FAAH2: variants seen among roughly 807,000 people sequenced by gnomAD.
The protein encoded by FAAH2 is fatty acid amide hydrolase 2.
In FAAH2, 60 loss-of-function variants were observed where a neutral mutation model predicts 36.9. The observed-to-expected ratio is 1.63, with a 90% CI of 1.32 to 2.02. The LOEUF (loss-of-function observed/expected upper bound fraction) is 2.02. Ranked by LOEUF, FAAH2 falls within the 30% of genes most tolerant of loss-of-function variation. The pLI is 0.00. For missense variants in FAAH2, 689 were observed against 397.5 expected (o/e 1.73, Z -6.23); for synonymous variants, 214 against 143.8 (o/e 1.49, Z -3.49).
chrX:57,238,040 CTGTT>C, the FAAH2 span, among the ~76,000 whole-genome samples: 5 of 111,831 alleles, frequency 4.5e-5, no homozygotes, highest in African/African-American at 1.6e-4. Context: ...CACTTATACA[CTGTT>C]TGTGGGTGTG....
chrX:57,163,906 C>T, the FAAH2 span, among the ~76,000 whole-genome samples: 40 of 111,967 alleles, frequency 3.6e-4, no homozygotes, highest in Admixed American at 2.1e-3. Context: ...ATTTCTTAAC[C>T]GATGTATGGT....
intron 10 of FAAH2, among the ~76,000 whole-genome samples, chrX:57,477,392 GA>G (rs961853271): frequency 2.7e-5 from 3 of 110,652 alleles, no homozygotes; most frequent in African/African-American, 9.8e-5. Flanking sequence ...TTACTTAGTA[GA>G]AAAAAATCTG....
chrX:57,236,671 C>G, the FAAH2 span, among the ~76,000 whole-genome samples: 1 of 110,924 alleles, frequency 9.0e-6, no homozygotes, highest in Non-Finnish European at 1.9e-5. Flanking sequence ...CTTTTCAGAC[C>G]TTTTGTCCAT....
chrX:57,161,837 A>C, the FAAH2 span, among the ~76,000 whole-genome samples: 1 of 111,697 alleles, frequency 9.0e-6, no homozygotes, highest in African/African-American at 3.3e-5. Context: ...GTGTCTTTTA[A>C]ATGGAGCATT....
chrX:57,267,647 G>A, the FAAH2 span, among the ~76,000 whole-genome samples: 1 of 111,850 alleles, frequency 8.9e-6, no homozygotes, highest in African/African-American at 3.3e-5. Context: ...TTCCCCCAGT[G>A]CAGTAGACTC....
intron 7 of FAAH2, among the ~76,000 whole-genome samples, chrX:57,382,724 C>T (rs1190196235): frequency 9.0e-6 from 1 of 111,438 alleles, no homozygotes; most frequent in Non-Finnish European, 1.9e-5. Context: ...CAGACAGATT[C>T]ACAGCCAAAT....
intron 3 of FAAH2, among the ~76,000 whole-genome samples, chrX:57,330,327 C>T (rs1159920734): frequency 1.8e-5 from 2 of 111,229 alleles, no homozygotes; most frequent in Non-Finnish European, 3.8e-5. Flanking sequence ...GTGGTTGAAA[C>T]TTTAGGGATG....
the FAAH2 span, among the ~76,000 whole-genome samples, chrX:57,264,023 A>G: frequency 1.8e-5 from 2 of 112,152 alleles, no homozygotes; most frequent in Non-Finnish European, 3.8e-5. Context: ...AATACTAAAC[A>G]TACTTAAACA....
At chrX:57,188,374 G>A in the FAAH2 span, among the ~76,000 whole-genome samples, 1 of 111,013 alleles carries the variant, frequency 9.0e-6, no homozygotes, top group Non-Finnish European at 1.9e-5. Flanking sequence ...TTCTCTGATG[G>A]TAGTTTGTAT....
At chrX:57,172,818 A>T in the FAAH2 span, among the ~76,000 whole-genome samples, 1 of 111,425 alleles carries the variant, frequency 9.0e-6, no homozygotes, top group Non-Finnish European at 1.9e-5. Flanking sequence ...ACACTGCTGC[A>T]TTCCTCTCGA....
At chrX:57,301,950 A>G (rs2052384795) in intron 2 of FAAH2, among the ~76,000 whole-genome samples, 1 of 112,189 alleles carries the variant, frequency 8.9e-6, no homozygotes, top group Non-Finnish European at 1.9e-5. Flanking sequence ...ATGCTCTGCA[A>G]TCTGTTGGCT....
intron 10 of FAAH2, among the ~76,000 whole-genome samples, chrX:57,463,557 G>A (rs1209978059): frequency 9.0e-6 from 1 of 110,949 alleles, no homozygotes; most frequent in Non-Finnish European, 1.9e-5. Flanking sequence ...AAGCAATGAG[G>A]AAATAATTAC....
At chrX:57,433,301 G>C (rs770155012) in intron 8 of FAAH2, among the ~76,000 whole-genome samples, 1 of 110,166 alleles carries the variant, frequency 9.1e-6, no homozygotes, top group Non-Finnish European at 1.9e-5. Context: ...ACTTTTTTAT[G>C]ATACCAGATT....
At chrX:57,440,513 G>A (rs892578706) in intron 8 of FAAH2, among the ~76,000 whole-genome samples, 4 of 111,524 alleles carry the variant, frequency 3.6e-5, no homozygotes, top group Non-Finnish European at 7.5e-5. Flanking sequence ...TGATAGGATG[G>A]AGTTTTCTAT....
chrX:57,216,517 T>C, the FAAH2 span, among the ~76,000 whole-genome samples: 25 of 79,750 alleles, frequency 3.1e-4, no homozygotes, highest in Non-Finnish European at 4.9e-4. Context: ...TATATATATA[T>C]ACGTATATGT....
At chrX:57,135,623 C>G in the FAAH2 span, 2 of 950,750 alleles carry the variant, frequency 2.1e-6, no homozygotes, top group Non-Finnish European at 2.8e-6. Flanking sequence ...AACTTTTCAA[C>G]AAGACAAAGG....
At chrX:57,339,333 C>T (rs754567164) in intron 4 of FAAH2, among the ~76,000 whole-genome samples, 2 of 111,988 alleles carry the variant, frequency 1.8e-5, no homozygotes, top group South Asian at 7.4e-4. Flanking sequence ...CTAGGCAGTA[C>T]CATTCAGGAC....
intron 7 of FAAH2, among the ~76,000 whole-genome samples, chrX:57,392,373 G>T (rs749698572): frequency 9.0e-6 from 1 of 111,092 alleles, no homozygotes; most frequent in Admixed American, 9.6e-5. Context: ...TGTTTTTTTT[G>T]TTTGTTTGTT....
chrX:57,385,977 A>G (rs1317354394), intron 7 of FAAH2, among the ~76,000 whole-genome samples: 1 of 111,418 alleles, frequency 9.0e-6, no homozygotes, highest in Admixed American at 9.6e-5. Flanking sequence ...TTATAAAATT[A>G]TACGTTATTT....
Sources: gnomAD v4.1 joint callset for allele counts (sites outside exome capture counted in the v4.1 genomes callset) on GRCh38, gnomAD v4.1.1 for gene constraint, MANE v1.5 for transcripts, NCBI Gene and HGNC (gene_info 2026-07-23, HGNC 2026-07-21) for gene names.